Variants in KCNJ16 observed in about 807,000 individuals in gnomAD.
KCNJ16 encodes potassium inwardly rectifying channel subfamily J member 16.
KCNJ16 carries 15 observed loss-of-function variants against 18.5 expected under a neutral mutation model. The ratio of observed to expected loss-of-function variants is 0.81; its 90% CI spans 0.54 to 1.25. The LOEUF (loss-of-function observed/expected upper bound fraction) is 1.25, where lower values mean the gene tolerates loss of function less well. Ranked by LOEUF, KCNJ16 falls within the 50% of genes most tolerant of loss-of-function variation. The probability of loss-of-function intolerance (pLI) is 0.00; values close to 1 mark genes in which losing one functional copy is unlikely to be tolerated. For synonymous variants in KCNJ16, 174 were observed against 186.5 expected (o/e 0.93, Z 0.55); for missense variants, 523 against 525.7 (o/e 0.99, Z 0.05).
rs541721911 is a variant in KCNJ16, at chr17:70,124,424, T to TA, written c.-190-6446dup. 7.7e-4 allele frequency among the ~76,000 whole-genome samples: 116 copies of TA among 151,628 alleles called. 1 individual carries two copies. The Middle Eastern group carries it at 0.01, about 13-fold the overall frequency. Reference sequence around the variant, plus strand: ...TGTCACATAGTAGGAACTCATTTTTTAAAAAAAAACTGAATGAAAAGAAAA... The same window carrying TA: ...TGTCACATAGTAGGAACTCATTTTTTAAAAAAAAAACTGAATGAAAAGAAAA... On this transcript the variant is annotated intron_variant, in intron 2 of 3. Transcript: ENST00000392671.
chr17:70,126,647 C>T (rs1253265754), intron 2 of KCNJ16, among the ~76,000 whole-genome samples: 1 of 152,200 alleles, frequency 6.6e-6, no homozygotes, highest in African/African-American at 2.4e-5. Flanking sequence ...GGTCCGCCTC[C>T]TGATTCGGGC....
chr17:70,132,542 T>C lies in KCNJ16; in HGVS notation c.455T>C (p.Leu152Pro), dbSNP rs1222601335. Reference sequence around the variant, plus strand: ...TCTGTGGCCGTGCTCATGGTGATCCTCCAGTCCATCTTAAGTTGCATCATA... The same window carrying C: ...TCTGTGGCCGTGCTCATGGTGATCCCCCAGTCCATCTTAAGTTGCATCATA... Reference protein sequence around the residue: ...ECSVAVLMVILQSILSCIINT... With the variant: ...ECSVAVLMVIPQSILSCIINT... The change falls in exon 4 of 4, where the codon CTC becomes CCC. Residue 152 changes from leucine to proline, a missense_variant. Coordinates refer to ENST00000392671, the MANE Select transcript of KCNJ16 (RefSeq NM_170741.4). The C allele has an allele frequency of 6.2e-6, 10 of 1,614,076 alleles. No individual in the cohort carries two copies. Among genetic ancestry groups the C allele is most frequent in the Non-Finnish European group, 8.5e-6 (10 of 1,180,044 alleles).
At position 70,130,929 on chromosome 17, in the gene KCNJ16, T is replaced by G. The variant is rs1176228134; in HGVS notation, c.-140T>G. The G allele has an allele frequency of 2.0e-6, 3 of 1,530,496 alleles. No homozygotes were observed. Among genetic ancestry groups the G allele is most frequent in the Middle Eastern group, 1.7e-4 (1 of 5,970 alleles). The allele number at this position is 1,530,496 out of a possible 1,614,324, so 94.8% of individuals were successfully genotyped here. Reference sequence around the variant, plus strand: ...TGCAGTTTTAAATTTCACTTTGACTTGAGCTGGGAAATCCTTTGGCCTATT... The same window carrying G: ...TGCAGTTTTAAATTTCACTTTGACTGGAGCTGGGAAATCCTTTGGCCTATT... On this transcript the variant is annotated 5_prime_UTR_variant, in exon 3 of 4. Coordinates refer to ENST00000392671, the MANE Select transcript of KCNJ16 (RefSeq NM_170741.4).
intron 1 of KCNJ16, among the ~76,000 whole-genome samples, chr17:70,080,617 T>C (rs187162848): frequency 6.6e-6 from 1 of 152,212 alleles, no homozygotes; most frequent in Admixed American, 6.5e-5. Context: ...TGAGAAGTAC[T>C]ATTAAAGGAT....
At chr17:70,088,638 A>G (rs952076379) in intron 1 of KCNJ16, among the ~76,000 whole-genome samples, 1 of 152,224 alleles carries the variant, frequency 6.6e-6, no homozygotes, top group Non-Finnish European at 1.5e-5. Context: ...CTCTATGGAA[A>G]GAAAAGTTAC....
intron 1 of KCNJ16, among the ~76,000 whole-genome samples, chr17:70,079,121 C>T (rs998442358): frequency 5.3e-5 from 8 of 152,010 alleles, no homozygotes; most frequent in Admixed American, 2.6e-4. Context: ...TTGGCTCAAG[C>T]GATTATGGTG....
chr17:70,099,840 A>C (rs1342802080), intron 1 of KCNJ16, among the ~76,000 whole-genome samples: 1 of 152,224 alleles, frequency 6.6e-6, no homozygotes, highest in Admixed American at 6.5e-5. Flanking sequence ...TATGATGATC[A>C]CTAATTTGAG....
intron 2 of KCNJ16, among the ~76,000 whole-genome samples, chr17:70,124,385 A>C (rs1157617215): frequency 6.6e-6 from 1 of 152,220 alleles, no homozygotes; most frequent in Non-Finnish European, 1.5e-5. Flanking sequence ...CCGGTGCCTA[A>C]AAGTGGATGG....
At chr17:70,100,355 T>C (rs530649691) in intron 1 of KCNJ16, among the ~76,000 whole-genome samples, 8 of 152,280 alleles carry the variant, frequency 5.3e-5, no homozygotes, top group African/African-American at 1.9e-4. Context: ...TGGTACAGCT[T>C]TTCTCCAAGA....
intron 2 of KCNJ16, among the ~76,000 whole-genome samples, chr17:70,126,990 G>T (rs1434537843): frequency 6.6e-6 from 1 of 152,124 alleles, no homozygotes; most frequent in African/African-American, 2.4e-5. Flanking sequence ...TGATACACTG[G>T]ATTTCTTCCC....
At position 70,124,460 on chromosome 17, in the gene KCNJ16, A is replaced by C. The variant is rs533813277; in HGVS notation, c.-190-6419A>C. Among the ~76,000 whole-genome samples the C allele has an allele frequency of 4.6e-5, 7 of 152,346 alleles. No individual in the cohort carries two copies. The South Asian group carries it at 1.2e-3, about 27-fold the overall frequency. On this transcript the variant is annotated intron_variant, in intron 2 of 3. Coordinates refer to ENST00000392671, the MANE Select transcript of KCNJ16 (RefSeq NM_170741.4). The stretch of plus-strand genomic sequence containing the variant: ...TGAATGAAAAGAAAACAAGAATGAA[A>C]ATAATTAGTAGCAACTACTCCCAAG...
intron 2 of KCNJ16, among the ~76,000 whole-genome samples, chr17:70,111,527 G>C (rs1193661812): frequency 1.3e-5 from 2 of 152,030 alleles, no homozygotes; most frequent in Non-Finnish European, 2.9e-5. Flanking sequence ...CTGAGATTTT[G>C]ATTAGTGCTG....
Position 70,124,140 on chromosome 17 carries a change from A to G in KCNJ16, c.-190-6739A>G, listed in dbSNP as rs575512659. On this transcript the variant is annotated intron_variant, in intron 2 of 3. Transcript: ENST00000392671. ...GCAAGGTCTGAGTTGAGAGCATTTT[A>G]ACCTAAGGCTCGGAATGAAGAGCTC... Among the ~76,000 whole-genome samples the G allele has an allele frequency of 1.2e-4, 19 of 152,346 alleles. No individual in the cohort carries two copies. The South Asian group carries it at 3.9e-3, about 32-fold the overall frequency.
rs1468206665 is a variant in KCNJ16 at position 70,134,984 on chromosome 17, C to T, written c.*1640C>T. The T allele has an allele frequency of 6.2e-6, 1 of 160,384 alleles. No homozygotes were observed. The highest frequency in any genetic ancestry group is 1.5e-5 in the Non-Finnish European group (1 of 67,540). 9.9% of individuals were successfully genotyped at this position (160,384 alleles called of 1,614,324 possible). A position where few individuals can be genotyped will look rare whatever the true frequency, so the allele number is the denominator to read the frequency against. ...TCCTTTCTTCCCTCCTCCCCCTCAT[C>T]CTTCCCTTTCTCCTTCTTTTCCCTT... On this transcript the variant is annotated 3_prime_UTR_variant, in exon 4 of 4. Transcript: ENST00000392671.
At chr17:70,129,734 T>G (rs933999544) in intron 2 of KCNJ16, among the ~76,000 whole-genome samples, 4 of 152,180 alleles carry the variant, frequency 2.6e-5, no homozygotes, top group Non-Finnish European at 5.9e-5. Context: ...GTTACATTAT[T>G]CAACAATACA....
chr17:70,118,850 T>C (rs554627892), intron 2 of KCNJ16, among the ~76,000 whole-genome samples: 5 of 152,178 alleles, frequency 3.3e-5, no homozygotes, highest in African/African-American at 7.2e-5. Context: ...CCTTCTCCCA[T>C]TGCAAAATAC....
intron 2 of KCNJ16, among the ~76,000 whole-genome samples, chr17:70,123,637 A>G (rs1362912682): frequency 1.3e-5 from 2 of 152,186 alleles, no homozygotes; most frequent in African/African-American, 4.8e-5. Context: ...AGACAAATTG[A>G]CTATTGTCCC....
chr17:70,122,684 T>C (rs1309435871), intron 2 of KCNJ16, among the ~76,000 whole-genome samples: 1 of 152,180 alleles, frequency 6.6e-6, no homozygotes, highest in Non-Finnish European at 1.5e-5. Context: ...CAATCCTGTC[T>C]CAGAGACTGC....
chr17:70,092,151 G>T (rs1423879419), intron 1 of KCNJ16, among the ~76,000 whole-genome samples: 1 of 152,054 alleles, frequency 6.6e-6, no homozygotes, highest in East Asian at 1.9e-4. Flanking sequence ...ATGAGTCTTA[G>T]TTTCCATATA....
Sources: gnomAD v4.1 joint callset for allele counts (sites outside exome capture counted in the v4.1 genomes callset) on GRCh38, gnomAD v4.1.1 for gene constraint, MANE v1.5 for transcripts, NCBI Gene and HGNC (gene_info 2026-07-23, HGNC 2026-07-21) for gene names.